Variants in ANKRD30BL observed in about 807,000 individuals in gnomAD.
ANKRD30BL encodes putative ankyrin repeat domain-containing protein 30B-like.
Under a neutral mutation model 18.4 loss-of-function variants are expected in ANKRD30BL, and 20 were observed. The observed-to-expected ratio is 1.09, with a 90% CI of 0.77 to 1.58. ANKRD30BL has a LOEUF of 1.58. Ranked by LOEUF, ANKRD30BL falls within the 40% of genes most tolerant of loss-of-function variation. The probability of loss-of-function intolerance (pLI) is 0.00; values close to 1 mark genes in which losing one functional copy is unlikely to be tolerated. For synonymous variants in ANKRD30BL, 72 were observed against 100.9 expected (o/e 0.71, Z 1.72); for missense variants, 224 against 268.6 (o/e 0.83, Z 1.16).
intron 5 of ANKRD30BL, among the ~76,000 whole-genome samples, chr2:132,148,770 C>G (rs1311252693): frequency 1.3e-5 from 2 of 151,794 alleles, no homozygotes; most frequent in Admixed American, 6.6e-5. Flanking sequence ...TTATAAGCTC[C>G]CAAAGGGGTT....
intron 1 of ANKRD30BL, among the ~76,000 whole-genome samples, chr2:132,167,505 T>C (rs1023122063): frequency 2.0e-5 from 3 of 152,158 alleles, no homozygotes; most frequent in Non-Finnish European, 2.9e-5. Flanking sequence ...GTATTTTTAA[T>C]AGAGACGGTG....
intron 3 of ANKRD30BL, chr2:132,156,330 C>A (rs1481802380): frequency 6.6e-6 from 1 of 151,832 alleles, no homozygotes; most frequent in Non-Finnish European, 1.5e-5. Flanking sequence ...AGAAGACAAC[C>A]CCATTATTAA....
At chr2:132,172,796 C>T (rs567273855) in intron 1 of ANKRD30BL, among the ~76,000 whole-genome samples, 1 of 152,088 alleles carries the variant, frequency 6.6e-6, no homozygotes, top group Non-Finnish European at 1.5e-5. Context: ...AAACCTCCGC[C>T]TCCCAGGTTC....
upstream of ANKRD30BL, among the ~76,000 whole-genome samples, chr2:132,165,812 A>T (rs1688178884): frequency 6.6e-6 from 1 of 151,320 alleles, no homozygotes; most frequent in Non-Finnish European, 1.5e-5. Flanking sequence ...GGCATAAGAA[A>T]TTGCCCATCT....
intron 1 of ANKRD30BL, among the ~76,000 whole-genome samples, chr2:132,176,145 G>A (rs1363530658): frequency 1.3e-5 from 2 of 152,138 alleles, no homozygotes; most frequent in East Asian, 1.9e-4. Context: ...TGTAATCCCA[G>A]CATTTTGGCA....
intron 1 of ANKRD30BL, among the ~76,000 whole-genome samples, chr2:132,198,255 CCTTCTTTCTTTCTTTTCTTTCTTTCTTT>C (rs1558928363): frequency 2.7e-4 from 37 of 138,180 alleles, no homozygotes; most frequent in African/African-American, 1.1e-3. Flanking sequence ...ATTTACTATA[CCTTCTTTCTTTCTTTTCTTTCTTTCTTT>C]CTTTCTTTCT....
At chr2:132,152,234 G>A (rs1221016550) in intron 4 of ANKRD30BL, 1 of 152,136 alleles carries the variant, frequency 6.6e-6, no homozygotes, top group Non-Finnish European at 1.5e-5. Flanking sequence ...TGTCCTTTTG[G>A]GGACTCCAAG....
chr2:132,187,524 A>C (rs935789916), intron 1 of ANKRD30BL, among the ~76,000 whole-genome samples: 73 of 151,686 alleles, frequency 4.8e-4, no homozygotes, highest in African/African-American at 1.7e-3. Flanking sequence ...CCGTGTTAGC[A>C]AGGATGGTCT....
chr2:132,203,009 T>C (rs2104749214), intron 1 of ANKRD30BL, among the ~76,000 whole-genome samples: 1 of 152,340 alleles, frequency 6.6e-6, no homozygotes, highest in South Asian at 2.1e-4. Context: ...TAATTAACAG[T>C]CAGTTCATAA....
intron 1 of ANKRD30BL, among the ~76,000 whole-genome samples, chr2:132,211,895 A>G (rs1456637319): frequency 6.6e-6 from 1 of 151,770 alleles, no homozygotes. Flanking sequence ...CCTAAGGTGG[A>G]AAAGGAAATA....
At chr2:132,153,819 T>A (rs13431614) in intron 4 of ANKRD30BL, 1 of 373,400 alleles carries the variant, frequency 2.7e-6, no homozygotes, top group Non-Finnish European at 5.3e-6. Context: ...CAAGTGTTTA[T>A]CCTTGTAAAT....
intron 1 of ANKRD30BL, among the ~76,000 whole-genome samples, chr2:132,246,088 T>C (rs552388300): frequency 8.2e-4 from 124 of 151,980 alleles, no homozygotes; most frequent in African/African-American, 3.0e-3. Flanking sequence ...CAAGTTGATA[T>C]TTGGATAGAT....
At chr2:132,254,518 T>C (rs1680767226) in intron 1 of ANKRD30BL, among the ~76,000 whole-genome samples, 1 of 152,136 alleles carries the variant, frequency 6.6e-6, no homozygotes, top group South Asian at 2.1e-4. Context: ...CTGCAGTGTG[T>C]ACAAAGGGCA....
intron 1 of ANKRD30BL, among the ~76,000 whole-genome samples, chr2:132,235,339 G>A (rs1255650453): frequency 2.0e-5 from 3 of 152,138 alleles, no homozygotes; most frequent in Non-Finnish European, 4.4e-5. Flanking sequence ...TCTGACCAGG[G>A]CAACTAGGCA....
chr2:132,148,191 G>C lies in ANKRD30BL; in HGVS notation c.717C>G (p.Pro239=). Residue 239 remains proline (P), a synonymous_variant, in exon 6 of 6, where the codon CCC becomes CCG. Transcript: ENST00000409867. ...CCGTGTCAGGTGTTCTTTCCGCCAA[G>C]GGTGCAGCCTCATCAGGTGTTCCTT... ...TSEGTPDEAA[P]LAERTPDTAE... is the part of the protein sequence containing the mutation. The C allele has an allele frequency of 6.2e-7, 1 of 1,605,666 alleles. No individual in the cohort carries two copies. Among genetic ancestry groups the C allele is most frequent in the Non-Finnish European group, 8.5e-7 (1 of 1,176,738 alleles).
At chr2:132,180,237 T>TA (rs1688438615) in intron 1 of ANKRD30BL, among the ~76,000 whole-genome samples, 1 of 136,672 alleles carries the variant, frequency 7.3e-6, no homozygotes, top group Non-Finnish European at 1.6e-5. Flanking sequence ...TTTTTTTTTT[T>TA]ACTGCACCTT....
At chr2:132,151,343 C>A (rs1024788713) in intron 4 of ANKRD30BL, among the ~76,000 whole-genome samples, 7 of 151,988 alleles carry the variant, frequency 4.6e-5, no homozygotes, top group African/African-American at 1.7e-4. Flanking sequence ...GATTTTAGGG[C>A]CTTATTTCAC....
At chr2:132,153,919 G>A (rs1399594214) in intron 4 of ANKRD30BL, among the ~76,000 whole-genome samples, 2 of 152,090 alleles carry the variant, frequency 1.3e-5, no homozygotes, top group African/African-American at 4.8e-5. Flanking sequence ...GTCCACTGAG[G>A]GGCAAGAAAA....
intron 1 of ANKRD30BL, among the ~76,000 whole-genome samples, chr2:132,255,040 C>T (rs566012388): frequency 4.6e-5 from 7 of 152,306 alleles, no homozygotes; most frequent in African/African-American, 1.4e-4. Context: ...ATACTCCCCT[C>T]GGAACCCAAA....
Sources: allele counts gnomAD v4.1 joint callset (sites outside exome capture counted in the v4.1 genomes callset), GRCh38; gene constraint gnomAD v4.1.1; transcripts MANE v1.5; gene names NCBI Gene and HGNC (gene_info 2026-07-23, HGNC 2026-07-21).